The following NCAM2 variants were observed in gnomAD, a reference collection of about 807,000 sequenced individuals.
NCAM2 encodes the protein neural cell adhesion molecule 2.
Under a neutral mutation model 98.1 loss-of-function variants are expected in NCAM2, and 30 were observed. The observed-to-expected ratio is 0.31, with a 90% CI of 0.23 to 0.41. The LOEUF (loss-of-function observed/expected upper bound fraction) is 0.41, where lower values mean the gene tolerates loss of function less well. Among genes scored for constraint, NCAM2 ranks in the 10% least tolerant of loss-of-function variants. NCAM2 has a pLI of 1.00. For missense variants in NCAM2, 867 were observed against 1,005.8 expected, an observed-to-expected ratio of 0.86 and a Z score of 1.87; for synonymous variants, 368 against 342.4, an observed-to-expected ratio of 1.07 and a Z score of -0.83.
At chr21:21,478,652 A>C (rs1985468294) in intron 15 of NCAM2, among the ~76,000 whole-genome samples, 1 of 152,270 alleles carries the variant, frequency 6.6e-6, no homozygotes, top group Non-Finnish European at 1.5e-5. Flanking sequence ...CTACCAAATT[A>C]TAATTTAAAA....
chr21:21,412,601 TA>T (rs1318366458), intron 10 of NCAM2, among the ~76,000 whole-genome samples: 1 of 152,186 alleles, frequency 6.6e-6, no homozygotes, highest in Non-Finnish European at 1.5e-5. Flanking sequence ...AACTTCTGCC[TA>T]AAGACATCCC....
At chr21:21,375,448 A>G (rs184276762) in intron 9 of NCAM2, among the ~76,000 whole-genome samples, 7 of 151,932 alleles carry the variant, frequency 4.6e-5, no homozygotes, top group African/African-American at 1.4e-4. Context: ...TAAGAAAGCC[A>G]CTTTATTTCC....
chr21:21,331,578 T>TATATATAG (rs1444969281), intron 6 of NCAM2, among the ~76,000 whole-genome samples: 1 of 2,150 alleles, frequency 4.7e-4, no homozygotes, highest in African/African-American at 7.5e-4. Context: ...CATATATATA[T>TATATATAG]AGAGAGAGAG....
intron 4 of NCAM2, among the ~76,000 whole-genome samples, chr21:21,290,681 T>C (rs2073257828): frequency 6.6e-6 from 1 of 151,940 alleles, no homozygotes; most frequent in Non-Finnish European, 1.5e-5. Flanking sequence ...CCTCTGAATC[T>C]GTGCATTTTC....
chr21:21,161,767 A>G (rs2067793850), intron 1 of NCAM2, among the ~76,000 whole-genome samples: 1 of 152,002 alleles, frequency 6.6e-6, no homozygotes, highest in African/African-American at 2.4e-5. Context: ...TCCATAGAGT[A>G]ATTAGAAGAG....
chr21:21,069,505 A>G (rs1056258344), intron 1 of NCAM2, among the ~76,000 whole-genome samples: 2 of 149,490 alleles, frequency 1.3e-5, no homozygotes, highest in Non-Finnish European at 2.9e-5. Context: ...TACCCATAGT[A>G]TAGTAATACC....
chr21:21,431,342 C>T (rs1484600556), intron 11 of NCAM2, among the ~76,000 whole-genome samples: 7 of 147,806 alleles, frequency 4.7e-5, no homozygotes, highest in African/African-American at 1.5e-4. Context: ...TCTAGTTCTG[C>T]GTGCTCTGCC....
chr21:21,108,317 A>G (rs1488445115), intron 1 of NCAM2, among the ~76,000 whole-genome samples: 1 of 152,080 alleles, frequency 6.6e-6, no homozygotes. Flanking sequence ...AGATTTTCAT[A>G]CAACTGGATT....
chr21:21,480,385 A>AAAAAAAAAC, intron 15 of NCAM2, among the ~76,000 whole-genome samples: 1 of 151,044 alleles, frequency 6.6e-6, no homozygotes, highest in African/African-American at 2.4e-5. Context: ...AAAAAAAAAA[A>AAAAAAAAAC]AAGAATAACT....
intron 6 of NCAM2, among the ~76,000 whole-genome samples, chr21:21,331,578 T>TATATATATAG (rs1444969281): frequency 4.7e-4 from 1 of 2,150 alleles, no homozygotes; most frequent in Non-Finnish European, 4.5e-3. Context: ...CATATATATA[T>TATATATATAG]AGAGAGAGAG....
intron 14 of NCAM2, among the ~76,000 whole-genome samples, chr21:21,473,498 A>G (rs1435138380): frequency 6.6e-6 from 1 of 150,926 alleles, no homozygotes; most frequent in African/African-American, 2.4e-5. Context: ...AAATATGAAT[A>G]CCTGAACCAT....
At chr21:21,052,299 G>A (rs893076420) in intron 1 of NCAM2, among the ~76,000 whole-genome samples, 29 of 152,050 alleles carry the variant, frequency 1.9e-4, no homozygotes, top group South Asian at 4.2e-4. Flanking sequence ...GAGGAGCTGG[G>A]ACTACAGGCG....
chr21:21,085,201 G>GT (rs11380838), intron 1 of NCAM2, among the ~76,000 whole-genome samples: 47,974 of 147,900 alleles, frequency 0.32, 9,566 homozygotes, highest in African/African-American at 0.57. Context: ...TCTAGTTGGG[G>GT]TTTTTTTTTT....
At chr21:21,187,268 A>G (rs567309030) in intron 1 of NCAM2, among the ~76,000 whole-genome samples, 3 of 152,244 alleles carry the variant, frequency 2.0e-5, no homozygotes, top group East Asian at 3.9e-4. Flanking sequence ...TGAATGTATT[A>G]TACTTACTAA....
At chr21:21,212,868 G>A (rs1418726931) in intron 1 of NCAM2, among the ~76,000 whole-genome samples, 5 of 149,648 alleles carry the variant, frequency 3.3e-5, no homozygotes, top group Admixed American at 2.0e-4. Context: ...TCAGCCTCCC[G>A]AGTAGCTGGG....
At chr21:21,417,231 A>G (rs1442830665) in intron 10 of NCAM2, among the ~76,000 whole-genome samples, 1 of 152,094 alleles carries the variant, frequency 6.6e-6, no homozygotes, top group African/African-American at 2.4e-5. Context: ...ATTTTTTGTT[A>G]AATCTCTTTC....
intron 16 of NCAM2, among the ~76,000 whole-genome samples, chr21:21,519,279 T>C (rs1988882256): frequency 6.6e-6 from 1 of 152,092 alleles, no homozygotes; most frequent in Non-Finnish European, 1.5e-5. Flanking sequence ...AATGGGTTAT[T>C]GGACATAATA....
intron 1 of NCAM2, among the ~76,000 whole-genome samples, chr21:21,026,855 C>CTTTTTTTTTTTTTTTT (rs752588922): frequency 7.9e-6 from 1 of 126,814 alleles, no homozygotes; most frequent in Non-Finnish European, 1.7e-5. Flanking sequence ...TCTTCTTCTT[C>CTTTTTTTTTTTTTTTT]TTTTTTTTTT....
At chr21:21,339,499 C>T (rs1410507601) in intron 8 of NCAM2, among the ~76,000 whole-genome samples, 1 of 151,974 alleles carries the variant, frequency 6.6e-6, no homozygotes, top group Non-Finnish European at 1.5e-5. Context: ...ATAGAACTGG[C>T]AATTTCACAT....
Sources: allele counts gnomAD v4.1 joint callset (sites outside exome capture counted in the v4.1 genomes callset), GRCh38; gene constraint gnomAD v4.1.1; transcripts MANE v1.5; gene names NCBI Gene and HGNC (gene_info 2026-07-23, HGNC 2026-07-21).